PSME4: variants seen among roughly 807,000 people sequenced by gnomAD.
PSME4 encodes the protein proteasome activator complex subunit 4.
Under a neutral mutation model 253.9 loss-of-function variants are expected in PSME4, and 89 were observed. That is an observed-to-expected ratio of 0.35 (90% CI 0.30 to 0.42). The LOEUF is 0.42. Among genes scored for constraint, PSME4 ranks in the 10% least tolerant of loss-of-function variants. PSME4 has a pLI of 1.00. For missense variants in PSME4, 2,014 were observed against 2,195.2 expected (o/e 0.92, Z 1.65); for synonymous variants, 851 against 759.2 (o/e 1.12, Z -1.99).
chr2:53,933,421 C>T (rs1668949916), intron 8 of PSME4, among the ~76,000 whole-genome samples: 1 of 144,878 alleles, frequency 6.9e-6, no homozygotes, highest in African/African-American at 2.6e-5. Flanking sequence ...CCTCTGTTGT[C>T]CAGGGTGGAG....
intron 36 of PSME4, among the ~76,000 whole-genome samples, 195 bp from the exon 37 acceptor site, chr2:53,890,403 C>G (rs965462609): frequency 3.3e-5 from 5 of 152,164 alleles, no homozygotes; most frequent in African/African-American, 1.2e-4. Flanking sequence ...GGCTTCTGAG[C>G]TCAAGTGATC....
intron 1 of PSME4, among the ~76,000 whole-genome samples, chr2:53,961,507 A>C (rs753964395): frequency 3.3e-5 from 5 of 152,170 alleles, no homozygotes; most frequent in Non-Finnish European, 7.3e-5. Context: ...CTCTACAAAA[A>C]TAAAAATAAA....
At chr2:53,966,527 CGTGGCACATGCCTATA>C (rs1489152231) in intron 1 of PSME4, among the ~76,000 whole-genome samples, 1 of 150,628 alleles carries the variant, frequency 6.6e-6, no homozygotes, top group African/African-American at 2.4e-5. Flanking sequence ...AGCCAGGCGT[CGTGGCACATGCCTATA>C]ATCCCAGCTA....
Position 53,919,241 on chromosome 2 carries a change from T to C in PSME4, c.2426A>G (p.Asp809Gly). 6.4e-7 allele frequency: 1 copy of C among 1,572,604 alleles called. No homozygotes were observed. Among genetic ancestry groups the C allele is most frequent in the Admixed American group, 2.0e-5 (1 of 49,902 alleles). Residue 809 changes from aspartate (D) to glycine (G), a missense_variant, in exon 20 of 47, where the codon GAT becomes GGT. Transcript: ENST00000404125. ...CACTATAGTCAGACTCTGTAGAATA[T>C]CATCTCTAGAAAAAAAAAAAAGACA... ...GDGKLEMSRDDILQSLTIVHN... is the reference protein window; with the variant it reads ...GDGKLEMSRDGILQSLTIVHN...
intron 1 of PSME4, among the ~76,000 whole-genome samples, chr2:53,961,596 T>C (rs1403371770): frequency 1.3e-5 from 2 of 152,100 alleles, no homozygotes; most frequent in Non-Finnish European, 2.9e-5. Context: ...GAAGATCGCT[T>C]GAGCCTGGGA....
chr2:53,955,308 G>C (rs1184770910), intron 1 of PSME4, among the ~76,000 whole-genome samples: 1 of 152,120 alleles, frequency 6.6e-6, no homozygotes, highest in African/African-American at 2.4e-5. Context: ...TTGTCCAACC[G>C]ATGGCCCAGG....
chr2:53,905,300 G>T (rs113525099), intron 26 of PSME4, among the ~76,000 whole-genome samples: 1 of 151,922 alleles, frequency 6.6e-6, no homozygotes, highest in African/African-American at 2.4e-5. Flanking sequence ...ACAGTGTTGG[G>T]ATTACAGGCA....
In PSME4 at chr2:53,872,644, A is replaced by G. The variant is rs1038512513; in HGVS notation, c.5100+1695T>C. On this transcript the variant is annotated intron_variant, in intron 43 of 46. Transcript: ENST00000404125. ...ATAGTCCCAGCTACTCAGGAGGCTG[A>G]GGTGGGAGGATCACTTGAGCTCAGG... 7.1e-5 allele frequency among the ~76,000 whole-genome samples: 10 copies of G among 141,276 alleles called. 1 individual carries two copies. The highest frequency in any genetic ancestry group is 1.5e-4 in the Admixed American group (2 of 13,016). The allele number at this position is 141,276 out of a possible 152,430, so 92.7% of individuals were successfully genotyped here.
intron 28 of PSME4, among the ~76,000 whole-genome samples, chr2:53,901,116 T>C (rs958802451): frequency 6.6e-6 from 1 of 152,130 alleles, no homozygotes; most frequent in Non-Finnish European, 1.5e-5. Flanking sequence ...CAATAACCCT[T>C]TGTGGAGCCC....
intron 17 of PSME4, among the ~76,000 whole-genome samples, chr2:53,921,696 G>A (rs1424236051): frequency 2.9e-5 from 4 of 139,028 alleles, no homozygotes; most frequent in African/African-American, 1.0e-4. Context: ...GTGAAACCCC[G>A]TCTCTACTAA....
In PSME4 at chr2:53,898,018, A is replaced by C; in HGVS notation, c.3477-19T>G. On this transcript the variant is annotated intron_variant, in intron 30 of 46. Coordinates refer to ENST00000404125, the MANE Select transcript of PSME4 (RefSeq NM_014614.3). The stretch of plus-strand genomic sequence containing the variant: ...CCAGGGCCTTAAAAGGAGGAAAAAT[A>C]ACAAAGCATATCACACATAAAACCA... 6.2e-7 allele frequency: 1 copy of C among 1,608,742 alleles called. No individual in the cohort carries two copies. The highest frequency in any genetic ancestry group is 1.1e-5 in the South Asian group (1 of 89,622).
At chr2:53,876,818 G>A (rs966491726) in intron 41 of PSME4, among the ~76,000 whole-genome samples, 18 of 145,594 alleles carry the variant, frequency 1.2e-4, no homozygotes, top group Non-Finnish European at 2.1e-4. Context: ...TTCTGGGGTC[G>A]GTGATCCTCC....
chr2:53,943,846 CAAAAAAA>C (rs5831284), intron 3 of PSME4, among the ~76,000 whole-genome samples: 3 of 81,372 alleles, frequency 3.7e-5, no homozygotes, highest in Non-Finnish European at 7.2e-5. Context: ...AACTCCATCT[CAAAAAAA>C]AAAAAAAAAA....
At chr2:53,916,394 A>G (rs1200192796) in intron 20 of PSME4, among the ~76,000 whole-genome samples, 1 of 152,208 alleles carries the variant, frequency 6.6e-6, no homozygotes, top group Non-Finnish European at 1.5e-5. Flanking sequence ...TAGACATTAC[A>G]CTAAAATATT....
intron 41 of PSME4, among the ~76,000 whole-genome samples, chr2:53,877,978 C>T (rs529244018): frequency 3.3e-5 from 5 of 152,170 alleles, no homozygotes; most frequent in Admixed American, 2.0e-4. Context: ...TGGGAAAAAT[C>T]GGGATGTTTA....
chr2:53,882,253 T>C (rs776289918), intron 41 of PSME4, among the ~76,000 whole-genome samples: 1 of 152,180 alleles, frequency 6.6e-6, no homozygotes, highest in Non-Finnish European at 1.5e-5. Flanking sequence ...CACTGTATCA[T>C]TAATGAAGAG....
intron 8 of PSME4, chr2:53,932,987 T>TA (rs1305856447): frequency 1.5e-5 from 7 of 452,412 alleles, no homozygotes; most frequent in South Asian, 7.9e-5. Context: ...TGAACCAACA[T>TA]AAAAAACTAA....
Position 53,970,769 on chromosome 2 carries a change from G to A in PSME4, c.16C>T (p.Arg6Trp), listed in dbSNP as rs925995402. The A allele has an allele frequency of 3.2e-6, 5 of 1,541,518 alleles. No homozygotes were observed. The highest frequency in any genetic ancestry group is 1.2e-5 in the South Asian group (1 of 83,576). ...TCCGGGGGCTCTCCGACTCCCGCCC[G>A]CTCGGCCGGCTCCATGAGCCCAGGG... MEPAERAGVGEPPEPG... is the reference protein window; with the variant it reads MEPAEWAGVGEPPEPG... Residue 6 changes from arginine (R) to tryptophan (W), a missense_variant, in exon 1 of 47, where the codon CGG (arginine) becomes TGG (tryptophan). Arg to Trp is a moderately radical substitution (Grantham distance 101). Around this residue, in one of 4 missense-constraint regions of PSME4, gnomAD observed 615 missense variants for 594.4 expected, o/e 1.03. Coordinates refer to ENST00000404125, the MANE Select transcript of PSME4 (RefSeq NM_014614.3).
intron 14 of PSME4, among the ~76,000 whole-genome samples, chr2:53,923,913 CAAAAAAAAAAAAAAAAAAAAAAA>C (rs199929436): frequency 1.0e-5 from 1 of 96,878 alleles, no homozygotes; most frequent in Non-Finnish European, 2.0e-5. Context: ...ACAGAGTTAA[CAAAAAAAAAAAAAAAAAAAAAAA>C]AAAAAAAAAT....
Sources: allele counts gnomAD v4.1 joint callset (sites outside exome capture counted in the v4.1 genomes callset), GRCh38; gene constraint gnomAD v4.1.1; regional missense constraint gnomAD v4.1.1; transcripts MANE v1.5; gene names NCBI Gene and HGNC (gene_info 2026-07-23, HGNC 2026-07-21).